The following FAM177A1 variants were observed in gnomAD, a reference collection of about 807,000 sequenced individuals.
FAM177A1 encodes family with sequence similarity 177 member A1.
Under a neutral mutation model 26.1 loss-of-function variants are expected in FAM177A1, and 22 were observed. The ratio of observed to expected loss-of-function variants is 0.84; its 90% CI spans 0.60 to 1.20. The LOEUF is 1.20. FAM177A1 is among the 50% of genes most tolerant of loss of function. The pLI is 0.00. For missense variants in FAM177A1, 296 were observed against 291.1 expected (o/e 1.02, Z -0.12); for synonymous variants, 95 against 99.3 (o/e 0.96, Z 0.26).
At chr14:35,060,506 G>C (rs1406438638) in intron 2 of FAM177A1, among the ~76,000 whole-genome samples, 1 of 150,732 alleles carries the variant, frequency 6.6e-6, no homozygotes, top group Non-Finnish European at 1.5e-5. Context: ...ATACTTTTCT[G>C]TTTCTTTGCA....
At chr14:35,080,860 C>T (rs1314517810) in intron 4 of FAM177A1, among the ~76,000 whole-genome samples, 162 bp from the exon 5 acceptor site, 1 of 149,092 alleles carries the variant, frequency 6.7e-6, no homozygotes, top group Non-Finnish European at 1.5e-5. Context: ...AATTAGAGAG[C>T]AGGAGAAGGG....
Position 35,046,606 on chromosome 14 carries a change from C to T in FAM177A1, c.143C>T (p.Ala48Val). The change falls in exon 1 of 5, where the codon GCA becomes GTA. Residue 48 changes from alanine (A) to valine (V), a missense_variant. Transcript: ENST00000280987. ...VAASGAAAAAAFGESAGQMSN... is the reference protein window; with the variant it reads ...VAASGAAAAAVFGESAGQMSN... ...GCCTCGGGAGCTGCGGCCGCCGCGG[C>T]ATTCGGGGAATCTGCAGGGCAGGTA... 6.4e-7 allele frequency: 1 copy of T among 1,550,744 alleles called. No homozygotes were observed.
intron 2 of FAM177A1, among the ~76,000 whole-genome samples, chr14:35,072,851 C>T (rs949068426): frequency 1.3e-5 from 2 of 152,126 alleles, no homozygotes; most frequent in South Asian, 2.1e-4. Flanking sequence ...CACCCTCCAC[C>T]CCCCCTTTCC....
chr14:35,075,965 G>C (rs936327447), intron 2 of FAM177A1, among the ~76,000 whole-genome samples: 1 of 152,318 alleles, frequency 6.6e-6, no homozygotes, highest in East Asian at 1.9e-4. Flanking sequence ...AGGATGTGGA[G>C]AAATAGGAAC....
chr14:35,048,942 G>A (rs1237542608), intron 1 of FAM177A1, among the ~76,000 whole-genome samples: 1 of 150,774 alleles, frequency 6.6e-6, no homozygotes, highest in African/African-American at 2.4e-5. Flanking sequence ...CCAGGCTGGA[G>A]TGCAGTGGCA....
At chr14:35,055,742 G>A (rs528900803) in intron 2 of FAM177A1, among the ~76,000 whole-genome samples, 4 of 152,066 alleles carry the variant, frequency 2.6e-5, no homozygotes, top group African/African-American at 9.6e-5. Context: ...AGATGTCTGG[G>A]GAACTGCCTG....
At chr14:35,053,097 G>C in intron 1 of FAM177A1, 181 bp from the exon 2 acceptor site, 1 of 567,276 alleles carries the variant, frequency 1.8e-6, no homozygotes, top group Non-Finnish European at 3.1e-6. Context: ...TATTTGGTCT[G>C]CCATAGTCTT....
Position 35,046,396 on chromosome 14 carries a change from G to A in FAM177A1, c.-68G>A. 1 of 1,308,834 alleles carries A rather than the reference G, an allele frequency of 7.6e-7. No individual in the cohort carries two copies. The highest frequency in any genetic ancestry group is 9.8e-7 in the Non-Finnish European group (1 of 1,015,846). 81.1% of individuals were successfully genotyped at this position (1,308,834 alleles called of 1,614,324 possible). ...CTTGGCTAGGCGCGGCGCGAGGCGG[G>A]CGCTGGGCGGGTGAGTCCCACTTCC... is the stretch of plus-strand genomic sequence containing the variant. On this transcript the variant is annotated 5_prime_UTR_variant, in exon 1 of 5. Transcript: ENST00000280987.
chr14:35,046,834 G>A (rs889290963), intron 1 of FAM177A1: 5 of 1,358,818 alleles, frequency 3.7e-6, no homozygotes, highest in African/African-American at 1.5e-5. Context: ...CCCTTGGCTG[G>A]CAGCACAGCA....
chr14:35,055,199 A>C (rs2045040304), intron 2 of FAM177A1, among the ~76,000 whole-genome samples: 1 of 151,148 alleles, frequency 6.6e-6, no homozygotes, highest in East Asian at 2.0e-4. Context: ...GCTACTCAGG[A>C]GGCTGAGGCA....
At chr14:35,065,040 C>T (rs2045220151) in intron 2 of FAM177A1, among the ~76,000 whole-genome samples, 1 of 151,484 alleles carries the variant, frequency 6.6e-6, no homozygotes, top group Non-Finnish European at 1.5e-5. Context: ...TATGTACGCT[C>T]ATGTTAATAT....
intron 2 of FAM177A1, among the ~76,000 whole-genome samples, chr14:35,054,194 A>G (rs1048378120): frequency 3.3e-5 from 5 of 152,136 alleles, no homozygotes; most frequent in African/African-American, 9.7e-5. Flanking sequence ...CAGCCTGGGC[A>G]ACAGAGTGAG....
At chr14:35,066,870 C>T (rs925566486) in intron 2 of FAM177A1, among the ~76,000 whole-genome samples, 14 of 151,678 alleles carry the variant, frequency 9.2e-5, no homozygotes, top group African/African-American at 2.9e-4. Context: ...CTCAGCTCAC[C>T]GCAACCTCTG....
intron 2 of FAM177A1, chr14:35,054,995 AAAAT>A (rs2045036704): frequency 6.6e-6 from 1 of 151,048 alleles, no homozygotes; most frequent in Non-Finnish European, 1.5e-5. Context: ...AAAAAAATAA[AAAAT>A]AAAATAAAAA....
intron 2 of FAM177A1, among the ~76,000 whole-genome samples, chr14:35,059,697 CTAATTTTTGTATTTTT>C (rs2045120170): frequency 1.3e-5 from 2 of 151,818 alleles, no homozygotes; most frequent in Non-Finnish European, 2.9e-5. Flanking sequence ...CCACGTCCTG[CTAATTTTTGTATTTTT>C]TAATTTTTGT....
intron 2 of FAM177A1, among the ~76,000 whole-genome samples, chr14:35,062,144 C>G (rs754259457): frequency 3.9e-5 from 6 of 152,138 alleles, no homozygotes; most frequent in African/African-American, 7.2e-5. Flanking sequence ...GTTCAGTTAC[C>G]ACAGACGTTT....
chr14:35,058,202 T>C (rs2045092427), intron 2 of FAM177A1, among the ~76,000 whole-genome samples: 1 of 152,090 alleles, frequency 6.6e-6, no homozygotes, highest in Admixed American at 6.6e-5. Flanking sequence ...GCCTCCCATG[T>C]AGCTGAGATT....
chr14:35,046,385 G>A lies in FAM177A1; in HGVS notation c.-79G>A. ...CTTCTCAGAGACTTGGCTAGGCGCG[G>A]CGCGAGGCGGGCGCTGGGCGGGTGA... On this transcript the variant is annotated 5_prime_UTR_variant, in exon 1 of 5. Coordinates refer to ENST00000280987, the MANE Select transcript of FAM177A1 (RefSeq NM_173607.5). 1 of 1,314,368 alleles carries A rather than the reference G, an allele frequency of 7.6e-7. No individual in the cohort carries two copies. 81.4% of individuals were successfully genotyped at this position (1,314,368 alleles called of 1,614,324 possible).
intron 2 of FAM177A1, among the ~76,000 whole-genome samples, chr14:35,074,352 G>A (rs2045363975): frequency 6.6e-6 from 1 of 152,022 alleles, no homozygotes; most frequent in Non-Finnish European, 1.5e-5. Flanking sequence ...TAGAGATGGA[G>A]TCTTGCTCTG....
Sources: allele counts gnomAD v4.1 joint callset (sites outside exome capture counted in the v4.1 genomes callset), GRCh38; gene constraint gnomAD v4.1.1; transcripts MANE v1.5; gene names NCBI Gene and HGNC (gene_info 2026-07-23, HGNC 2026-07-21).